KMT2C: variants seen among roughly 807,000 people sequenced by gnomAD.
The protein encoded by KMT2C is histone-lysine N-methyltransferase 2C.
Under a neutral mutation model 507.9 loss-of-function variants are expected in KMT2C, and 88 were observed. The ratio of observed to expected loss-of-function variants is 0.17; its 90% CI spans 0.15 to 0.21. The LOEUF is 0.21. Ranked by LOEUF, KMT2C falls within the 10% of genes least tolerant of loss-of-function variation. KMT2C has a pLI of 1.00. For missense variants in KMT2C, 4,954 were observed against 5,957.8 expected (o/e 0.83, Z 5.55); for synonymous variants, 2,049 against 2,080.8 (o/e 0.98, Z 0.42).
chr7:152,307,278 AAAGGAAGG>A (rs35363127), intron 6 of KMT2C, among the ~76,000 whole-genome samples: 438 of 107,442 alleles, frequency 4.1e-3, no homozygotes, highest in Middle Eastern at 0.015. Context: ...AGGAAGAAAG[AAAGGAAGG>A]AAGGAAGGAA....
intron 21 of KMT2C, 46 bp downstream of exon 21, chr7:152,222,527 T>C (rs1318861100): frequency 2.0e-5 from 19 of 971,438 alleles, no homozygotes; most frequent in Non-Finnish European, 2.8e-5. Context: ...AAGGTGCAAG[T>C]GAGTGGTACA....
intron 6 of KMT2C, among the ~76,000 whole-genome samples, chr7:152,290,884 T>C (rs2096415913): frequency 6.6e-6 from 1 of 152,058 alleles, no homozygotes; most frequent in Non-Finnish European, 1.5e-5. Context: ...TTATCCTATA[T>C]TATCTTTTTA....
chr7:152,337,620 C>T (rs2129217029), intron 2 of KMT2C, among the ~76,000 whole-genome samples: 1 of 152,232 alleles, frequency 6.6e-6, no homozygotes, highest in Non-Finnish European at 1.5e-5. Flanking sequence ...AGCAATGTGA[C>T]CTTTGGCAAG....
At chr7:152,282,089 C>G (rs111986420) in intron 6 of KMT2C, among the ~76,000 whole-genome samples, 2 of 151,278 alleles carry the variant, frequency 1.3e-5, no homozygotes, top group African/African-American at 4.9e-5. Flanking sequence ...ACCAGGAGTT[C>G]GAGACCAACC....
At position 152,148,393 on chromosome 7, in the gene KMT2C, G is replaced by T. The variant is rs375361560; in HGVS notation, c.13534C>A (p.His4512Asn). 102 of 1,614,128 alleles carry T rather than the reference G, an allele frequency of 6.3e-5. No individual in the cohort carries two copies. Among genetic ancestry groups the T allele is most frequent in the Admixed American group, 3.0e-4 (18 of 60,008 alleles). Residue 4512 changes from histidine (H) to asparagine (N), a missense_variant, in exon 52 of 59, where the codon CAT becomes AAT. Transcript: ENST00000262189. This position sits in a 1 kb window ranked among gnomAD's most constrained non-coding sequence, Gnocchi z 7.1. Reference sequence around the variant, plus strand: ...GCAAAGTAACTTAATTCTTGCTCATGAATTCCCTTTGGTTTGTGCATGGGG... The same window carrying T: ...GCAAAGTAACTTAATTCTTGCTCATTAATTCCCTTTGGTTTGTGCATGGGG... The part of the protein sequence containing the change: ...LCPMHKPKGI[H>N]EQELSYFAVF...
At chr7:152,350,451 C>T (rs2097101560) in intron 2 of KMT2C, among the ~76,000 whole-genome samples, 1 of 152,130 alleles carries the variant, frequency 6.6e-6, no homozygotes, top group Non-Finnish European at 1.5e-5. Context: ...GTATAGCCTA[C>T]TAAAAACCTA....
intron 14 of KMT2C, among the ~76,000 whole-genome samples, chr7:152,240,452 C>T (rs2095361883): frequency 6.6e-6 from 1 of 152,244 alleles, no homozygotes; most frequent in South Asian, 2.1e-4. Context: ...TTTCCCAGGG[C>T]TTGAGCCTAG....
At chr7:152,423,830 G>C (rs1265392135) in intron 1 of KMT2C, among the ~76,000 whole-genome samples, 1 of 152,048 alleles carries the variant, frequency 6.6e-6, no homozygotes, top group African/African-American at 2.4e-5. Flanking sequence ...AATATATAAA[G>C]ATCTCTGTAC....
intron 6 of KMT2C, among the ~76,000 whole-genome samples, chr7:152,303,594 C>T (rs899378359): frequency 6.6e-6 from 1 of 152,154 alleles, no homozygotes; most frequent in African/African-American, 2.4e-5. Flanking sequence ...GTGCTTACAG[C>T]CATGGTGGGA....
chr7:152,207,232 C>G (rs2129138329), intron 24 of KMT2C, 68 bp downstream of exon 24: 1 of 1,197,354 alleles, frequency 8.4e-7, no homozygotes, highest in South Asian at 1.6e-5. Flanking sequence ...TTGAAGTCTT[C>G]AGTATTGTAT....
At chr7:152,393,377 T>C (rs1404585101) in intron 1 of KMT2C, among the ~76,000 whole-genome samples, 2 of 152,118 alleles carry the variant, frequency 1.3e-5, no homozygotes, top group Non-Finnish European at 2.9e-5. Flanking sequence ...TAACAAATAC[T>C]TACTTTCTTA....
chr7:152,329,778 T>A (rs929103277), intron 3 of KMT2C, among the ~76,000 whole-genome samples: 3 of 151,878 alleles, frequency 2.0e-5, no homozygotes, highest in Admixed American at 2.0e-4. Flanking sequence ...AACTGATGGA[T>A]AATTTCATTA....
intron 1 of KMT2C, among the ~76,000 whole-genome samples, chr7:152,424,782 G>C (rs2097801173): frequency 6.6e-6 from 1 of 152,012 alleles, no homozygotes; most frequent in African/African-American, 2.4e-5. Context: ...AGTCAACTAA[G>C]GGCTGAAGGC....
intron 6 of KMT2C, among the ~76,000 whole-genome samples, chr7:152,280,995 T>A (rs1049317945): frequency 6.6e-6 from 1 of 152,144 alleles, no homozygotes; most frequent in African/African-American, 2.4e-5. Flanking sequence ...GCTTTCTGAG[T>A]CCACAAAAGT....
intron 41 of KMT2C, among the ~76,000 whole-genome samples, chr7:152,168,320 T>C (rs2092822649): frequency 6.6e-6 from 1 of 152,186 alleles, no homozygotes; most frequent in South Asian, 2.1e-4. Context: ...ATGGGCACAA[T>C]AAAGCCAGAA....
intron 6 of KMT2C, among the ~76,000 whole-genome samples, chr7:152,287,576 A>G (rs2096324884): frequency 6.6e-6 from 1 of 152,240 alleles, no homozygotes; most frequent in African/African-American, 2.4e-5. Flanking sequence ...CTTAAAATGC[A>G]AAGGATTCAA....
chr7:152,374,710 C>A (rs2097315491), intron 1 of KMT2C, among the ~76,000 whole-genome samples: 1 of 151,666 alleles, frequency 6.6e-6, no homozygotes, highest in Non-Finnish European at 1.5e-5. Flanking sequence ...ACCAGCCTGG[C>A]CAATATGGTG....
chr7:152,344,971 AG>A (rs992317440), intron 2 of KMT2C, among the ~76,000 whole-genome samples: 1 of 152,192 alleles, frequency 6.6e-6, no homozygotes, highest in African/African-American at 2.4e-5. Flanking sequence ...TGGGCAACAG[AG>A]TGAGACTCTG....
At chr7:152,210,928 T>C (rs867482922) in intron 23 of KMT2C, among the ~76,000 whole-genome samples, 17 of 152,110 alleles carry the variant, frequency 1.1e-4, no homozygotes, top group Admixed American at 3.3e-4. Context: ...ATGTTTCACA[T>C]CTGAAAAGCA....
Sources: gnomAD v4.1 joint callset for allele counts (sites outside exome capture counted in the v4.1 genomes callset) on GRCh38, gnomAD v4.1.1 for gene constraint, Gnocchi (gnomAD v3.1) non-coding constraint, MANE v1.5 for transcripts, NCBI Gene and HGNC (gene_info 2026-07-23, HGNC 2026-07-21) for gene names.